The following EXOC6B variants were observed in gnomAD, a reference collection of about 807,000 sequenced individuals.
The protein encoded by EXOC6B is SEC15 homolog B.
EXOC6B carries 54 observed loss-of-function variants against 113.5 expected under a neutral mutation model. The observed-to-expected ratio is 0.48, with a 90% confidence interval of 0.38 to 0.60. The LOEUF (loss-of-function observed/expected upper bound fraction) is 0.60. Ranked by LOEUF, EXOC6B falls within the 20% of genes least tolerant of loss-of-function variation. EXOC6B has a pLI of 0.00. For synonymous variants in EXOC6B, 357 were observed against 339.0 expected (o/e 1.05, Z -0.58); for missense variants, 797 against 977.5 (o/e 0.82, Z 2.46).
At chr2:72,590,179 C>T (rs529606098) in intron 6 of EXOC6B, among the ~76,000 whole-genome samples, 4 of 151,946 alleles carry the variant, frequency 2.6e-5, no homozygotes, top group South Asian at 4.2e-4. Flanking sequence ...GTGATTCAAA[C>T]GCATATAAGA....
chr2:72,487,893 C>T (rs1699523757), intron 16 of EXOC6B, among the ~76,000 whole-genome samples: 1 of 152,214 alleles, frequency 6.6e-6, no homozygotes, highest in African/African-American at 2.4e-5. Context: ...GTTTTCTTCA[C>T]TGTAAGGTTA....
intron 18 of EXOC6B, among the ~76,000 whole-genome samples, chr2:72,387,733 ATCT>A (rs1692127311): frequency 6.6e-6 from 1 of 151,924 alleles, no homozygotes; most frequent in African/African-American, 2.4e-5. Context: ...AATAATTTGA[ATCT>A]TCTTTTTTTC....
chr2:72,410,896 G>A (rs1385077458), intron 18 of EXOC6B, among the ~76,000 whole-genome samples: 3 of 152,128 alleles, frequency 2.0e-5, no homozygotes, highest in Admixed American at 6.6e-5. Flanking sequence ...GTACATGGCC[G>A]ACTGAGCTGA....
At chr2:72,752,045 C>T (rs1158080455) in intron 1 of EXOC6B, among the ~76,000 whole-genome samples, 1 of 152,094 alleles carries the variant, frequency 6.6e-6, no homozygotes, top group Non-Finnish European at 1.5e-5. Flanking sequence ...CCCCTAGACC[C>T]ATGCAAACTT....
At chr2:72,688,111 A>G (rs1677217276) in intron 6 of EXOC6B, among the ~76,000 whole-genome samples, 1 of 152,210 alleles carries the variant, frequency 6.6e-6, no homozygotes, top group South Asian at 2.1e-4. Context: ...GGAATGGGAG[A>G]ATAACTTCGA....
At chr2:72,723,324 A>G (rs1278480613) in intron 5 of EXOC6B, among the ~76,000 whole-genome samples, 1 of 152,214 alleles carries the variant, frequency 6.6e-6, no homozygotes, top group Non-Finnish European at 1.5e-5. Context: ...AGCAGAGAAT[A>G]AAAGGGAGGA....
chr2:72,772,941 A>G (rs920887155), intron 1 of EXOC6B, among the ~76,000 whole-genome samples: 2 of 152,128 alleles, frequency 1.3e-5, no homozygotes, highest in East Asian at 1.9e-4. Flanking sequence ...AGCCCTAAAG[A>G]AATGAAGATC....
chr2:72,584,946 A>G (rs886501912), intron 6 of EXOC6B, among the ~76,000 whole-genome samples: 1 of 152,222 alleles, frequency 6.6e-6, no homozygotes, highest in Non-Finnish European at 1.5e-5. Context: ...AAATCAAAAT[A>G]TTCTTTGAAA....
chr2:72,303,192 T>A (rs927675320), intron 20 of EXOC6B, among the ~76,000 whole-genome samples: 1 of 152,170 alleles, frequency 6.6e-6, no homozygotes, highest in Non-Finnish European at 1.5e-5. Context: ...GATTTGCTGT[T>A]AGCCTGATGG....
At chr2:72,186,134 C>G (rs1410370171) in intron 20 of EXOC6B, among the ~76,000 whole-genome samples, 3 of 152,142 alleles carry the variant, frequency 2.0e-5, no homozygotes, top group Non-Finnish European at 4.4e-5. Context: ...TTTTCTTAAT[C>G]CAGTCTATCA....
chr2:72,211,744 A>G (rs991391825), intron 20 of EXOC6B, among the ~76,000 whole-genome samples: 34 of 152,210 alleles, frequency 2.2e-4, no homozygotes, highest in African/African-American at 8.2e-4. Flanking sequence ...GATTGCTATG[A>G]AACCAATGTG....
At chr2:72,438,729 T>C (rs908531956) in intron 18 of EXOC6B, among the ~76,000 whole-genome samples, 2 of 152,232 alleles carry the variant, frequency 1.3e-5, no homozygotes, top group African/African-American at 4.8e-5. Flanking sequence ...GTAAAATAAA[T>C]GTAACATAAA....
At chr2:72,228,600 A>C (rs370698148) in intron 20 of EXOC6B, among the ~76,000 whole-genome samples, 8 of 152,172 alleles carry the variant, frequency 5.3e-5, no homozygotes, top group East Asian at 1.9e-4. Flanking sequence ...TGAACTCATC[A>C]TTTTTTATGG....
chr2:72,202,521 C>T (rs41387), intron 20 of EXOC6B, among the ~76,000 whole-genome samples: 24,262 of 152,186 alleles, frequency 0.16, 2,147 homozygotes, highest in Non-Finnish European at 0.19. Context: ...CATTTATCCA[C>T]ATGGCTTGTT....
intron 20 of EXOC6B, among the ~76,000 whole-genome samples, chr2:72,281,578 A>C (rs1685134859): frequency 6.6e-6 from 1 of 152,226 alleles, no homozygotes; most frequent in Non-Finnish European, 1.5e-5. Context: ...GTGAGTACAA[A>C]ATGTCTAGAC....
At chr2:72,391,211 C>T (rs1558620158) in intron 18 of EXOC6B, among the ~76,000 whole-genome samples, 1 of 152,190 alleles carries the variant, frequency 6.6e-6, no homozygotes. Context: ...TTATTTTGTA[C>T]AGTATTCTAG....
intron 20 of EXOC6B, 62 bp downstream of exon 20, chr2:72,334,885 C>T: frequency 6.6e-7 from 1 of 1,503,990 alleles, no homozygotes; most frequent in Non-Finnish European, 9.2e-7. Flanking sequence ...TTCCTTAAGA[C>T]CTGATGGTCT....
chr2:72,200,358 A>G (rs963822415), intron 20 of EXOC6B, among the ~76,000 whole-genome samples: 1 of 152,126 alleles, frequency 6.6e-6, no homozygotes, highest in Non-Finnish European at 1.5e-5. Context: ...AATCTAATGA[A>G]TTTCTTTTTA....
chr2:72,237,640 CT>C (rs1371553011), intron 20 of EXOC6B, among the ~76,000 whole-genome samples: 1 of 152,192 alleles, frequency 6.6e-6, no homozygotes, highest in East Asian at 1.9e-4. Context: ...CCCTCACCCC[CT>C]GCCTGACCTC....
Sources: allele counts gnomAD v4.1 joint callset (sites outside exome capture counted in the v4.1 genomes callset), GRCh38; gene constraint gnomAD v4.1.1; transcripts MANE v1.5; gene names NCBI Gene and HGNC (gene_info 2026-07-23, HGNC 2026-07-21).